Variants in ITGAE observed in about 807,000 individuals in gnomAD.
ITGAE encodes integrin alpha-E.
Under a neutral mutation model 136.5 loss-of-function variants are expected in ITGAE, and 99 were observed. The observed-to-expected ratio is 0.73, with a 90% CI of 0.62 to 0.86. The LOEUF is 0.86. Ranked by LOEUF, ITGAE falls within the 40% of genes least tolerant of loss-of-function variation. ITGAE has a pLI of 0.00. For synonymous variants in ITGAE, 613 were observed against 591.8 expected (o/e 1.04, Z -0.52); for missense variants, 1,447 against 1,515.3 (o/e 0.95, Z 0.75).
chr17:3,749,709 A>G (rs2051816551), intron 16 of ITGAE, among the ~76,000 whole-genome samples: 1 of 151,624 alleles, frequency 6.6e-6, no homozygotes, highest in Non-Finnish European at 1.5e-5. Context: ...TCACTGAGGG[A>G]TGGGGCACAA....
chr17:3,727,611 G>A (rs1219145313), intron 26 of ITGAE, among the ~76,000 whole-genome samples: 1 of 152,064 alleles, frequency 6.6e-6, no homozygotes, highest in African/African-American at 2.4e-5. Flanking sequence ...GTGTTAGCCA[G>A]GATGGTCTCG....
At chr17:3,725,080 C>T in intron 26 of ITGAE, 2 of 1,614,184 alleles carry the variant, frequency 1.2e-6, no homozygotes, top group Non-Finnish European at 1.7e-6. Flanking sequence ...TGCTTTTGGA[C>T]CAAAACCAGG....
Position 3,714,697 on chromosome 17 carries a change from C to G in ITGAE, c.*150G>C. On this transcript the variant is annotated 3_prime_UTR_variant, in exon 31 of 31. Coordinates refer to ENST00000263087, the MANE Select transcript of ITGAE (RefSeq NM_002208.5). ...GTTTACTTTTTGCACAATGCACAGA[C>G]ACTTTTGGGACAATGTATGGTTAAA... The G allele has an allele frequency of 3.9e-6, 2 of 517,484 alleles. No homozygotes were observed. The allele number at this position is 517,484 out of a possible 1,614,324, so 32.1% of individuals were successfully genotyped here.
intron 1 of ITGAE, among the ~76,000 whole-genome samples, chr17:3,794,921 G>C (rs893517562): frequency 6.6e-6 from 1 of 151,682 alleles, no homozygotes; most frequent in African/African-American, 2.4e-5. Flanking sequence ...CTGGGCGTCC[G>C]TGGCACCCCC....
At chr17:3,746,205 G>A (rs1362425289) in intron 17 of ITGAE, among the ~76,000 whole-genome samples, 1 of 152,152 alleles carries the variant, frequency 6.6e-6, no homozygotes, top group Non-Finnish European at 1.5e-5. Context: ...CTCGGGAAGG[G>A]GATCGAGATT....
intron 20 of ITGAE, among the ~76,000 whole-genome samples, chr17:3,736,684 A>G (rs1453875162): frequency 6.6e-6 from 1 of 152,250 alleles, no homozygotes; most frequent in East Asian, 1.9e-4. Context: ...CCCAGAGTGC[A>G]GAACCACTCT....
chr17:3,719,648 ATAAC>A (rs1424662766), intron 29 of ITGAE, among the ~76,000 whole-genome samples: 1 of 152,246 alleles, frequency 6.6e-6, no homozygotes, highest in Non-Finnish European at 1.5e-5. Flanking sequence ...GTTTAATACT[ATAAC>A]TAAACACTGA....
At chr17:3,779,348 G>A (rs2052612565) in intron 1 of ITGAE, among the ~76,000 whole-genome samples, 1 of 149,470 alleles carries the variant, frequency 6.7e-6, no homozygotes, top group Non-Finnish European at 1.5e-5. Flanking sequence ...TTTTTTTTGA[G>A]ATGGGGTCTT....
In ITGAE at chr17:3,790,705, G is replaced by A. The variant is rs552095656; in HGVS notation, c.34+10406C>T. Among the ~76,000 whole-genome samples, 5 of 152,144 alleles carry A rather than the reference G, an allele frequency of 3.3e-5. No individual in the cohort carries two copies. The South Asian group carries it at 1.0e-3, about 32-fold the overall frequency. The stretch of plus-strand genomic sequence containing the variant: ...AGCAAACACACAAATCCTGAACATA[G>A]ATATTCTGCAACACACGTGACCAAA... On this transcript the variant is annotated intron_variant, in intron 1 of 30. Transcript: ENST00000263087.
At chr17:3,718,492 G>C (rs1422307512) in intron 29 of ITGAE, 1 of 152,280 alleles carries the variant, frequency 6.6e-6, no homozygotes, top group Non-Finnish European at 1.5e-5. Flanking sequence ...TGGATAAACA[G>C]CATATGCCCT....
chr17:3,768,442 C>T lies in ITGAE; in HGVS notation c.156-4482G>A, dbSNP rs189962338. Among the ~76,000 whole-genome samples the T allele has an allele frequency of 6.0e-3, 920 of 152,336 alleles. 14 individuals are homozygous for T. The highest frequency in any genetic ancestry group is 5.2e-3 in the Non-Finnish European group (357 of 68,030). ...TGAGTTTCAGGCATGAGCCACAGCA[C>T]CTGGCCCACTCATGTAGTTTACACC... On this transcript the variant is annotated intron_variant, in intron 2 of 30. Coordinates refer to ENST00000263087, the MANE Select transcript of ITGAE (RefSeq NM_002208.5).
At position 3,745,858 on chromosome 17, in the gene ITGAE, C is replaced by T. The variant is rs2051700329; in HGVS notation, c.2225G>A (p.Cys742Tyr). The change falls in exon 18 of 31, where the codon TGT becomes TAT. Residue 742 changes from cysteine to tyrosine, a missense_variant. Cys to Tyr is a radical substitution (Grantham distance 194). This residue lies in a region of ITGAE where 1,031 missense variants were observed against 1,011.4 expected (regional missense o/e 1.02). Transcript: ENST00000263087. ...DVGKQRRRLQ[C>Y]SDVRSCLGCL... ...GCCCAGACAGCTTCTTACGTCTGAACACTGCAGCCGTCTCCTCTGCTTCCC... is the reference window on the plus strand; with the variant it reads ...GCCCAGACAGCTTCTTACGTCTGAATACTGCAGCCGTCTCCTCTGCTTCCC... 3 of 1,614,094 alleles carry T rather than the reference C, an allele frequency of 1.9e-6. No homozygotes were observed. The highest frequency in any genetic ancestry group is 2.5e-6 in the Non-Finnish European group (3 of 1,180,022).
At chr17:3,751,454 C>G (rs1028844647) in intron 15 of ITGAE, among the ~76,000 whole-genome samples, 196 bp downstream of exon 15, 2 of 151,664 alleles carry the variant, frequency 1.3e-5, no homozygotes, top group Admixed American at 6.6e-5. Flanking sequence ...AACCTCCCCC[C>G]AACCTGAAGG....
At position 3,799,766 on chromosome 17, in the gene ITGAE, T is replaced by C. The variant is rs2053205079; in HGVS notation, c.34+1345A>G. Reference sequence around the variant, plus strand: ...ACTAAAAACAGAGAAGTCTAAATTGTAAAATAAAAGGAAGTTCAACAAACT... The same window carrying C: ...ACTAAAAACAGAGAAGTCTAAATTGCAAAATAAAAGGAAGTTCAACAAACT... On this transcript the variant is annotated intron_variant, in intron 1 of 30. Coordinates refer to ENST00000263087, the MANE Select transcript of ITGAE (RefSeq NM_002208.5). The surrounding 1 kb of genome is among the most constrained non-coding windows in gnomAD (Gnocchi z 4.1). Among the ~76,000 whole-genome samples the C allele has an allele frequency of 6.6e-6, 1 of 152,198 alleles. No individual in the cohort carries two copies. The highest frequency in any genetic ancestry group is 1.5e-5 in the Non-Finnish European group (1 of 68,034).
chr17:3,797,235 G>C (rs1339559256), intron 1 of ITGAE, among the ~76,000 whole-genome samples: 14 of 138,904 alleles, frequency 1.0e-4, no homozygotes, highest in South Asian at 4.6e-4. Context: ...GCGCAATCTC[G>C]GCTCACTGCA....
chr17:3,779,234 T>G (rs1183700426), intron 1 of ITGAE, among the ~76,000 whole-genome samples: 1 of 152,214 alleles, frequency 6.6e-6, no homozygotes, highest in Non-Finnish European at 1.5e-5. Flanking sequence ...TATGTAAATA[T>G]TACCTTAAAG....
At chr17:3,746,001 T>C in intron 17 of ITGAE, 74 bp from the exon 18 acceptor site, 6 of 1,404,980 alleles carry the variant, frequency 4.3e-6, no homozygotes, top group Non-Finnish European at 3.9e-6. Context: ...CCAGCCTGCC[T>C]GAGGTTCCTT....
intron 17 of ITGAE, among the ~76,000 whole-genome samples, chr17:3,746,370 G>A (rs550410621): frequency 3.3e-4 from 51 of 152,288 alleles, no homozygotes; most frequent in African/African-American, 1.1e-3. Context: ...GCTCAGCTAG[G>A]GAGAGACACT....
intron 2 of ITGAE, among the ~76,000 whole-genome samples, chr17:3,767,277 A>C (rs1273064960): frequency 6.6e-6 from 1 of 151,964 alleles, no homozygotes; most frequent in East Asian, 1.9e-4. Context: ...TCGTATTTTT[A>C]GTACAGATGG....
Sources: gnomAD v4.1 joint callset for allele counts (sites outside exome capture counted in the v4.1 genomes callset) on GRCh38, gnomAD v4.1.1 for gene constraint, gnomAD v4.1.1 regional missense constraint, Gnocchi (gnomAD v3.1) non-coding constraint, MANE v1.5 for transcripts, NCBI Gene and HGNC (gene_info 2026-07-23, HGNC 2026-07-21) for gene names.